The following HSPA4 variants were observed in gnomAD, a reference collection of about 807,000 sequenced individuals.
The protein encoded by HSPA4 is heat shock protein family A (Hsp70) member 4.
Under a neutral mutation model 106.2 loss-of-function variants are expected in HSPA4, and 25 were observed. The observed-to-expected ratio is 0.24, with a 90% CI of 0.17 to 0.33. The LOEUF is 0.33. Ranked by LOEUF, HSPA4 falls within the 10% of genes least tolerant of loss-of-function variation. The pLI is 1.00. For synonymous variants in HSPA4, 332 were observed against 333.6 expected (o/e 1.00, Z 0.05); for missense variants, 841 against 996.0 (o/e 0.84, Z 2.10).
intron 7 of HSPA4, among the ~76,000 whole-genome samples, chr5:133,081,371 CT>C (rs1200256748): frequency 6.6e-6 from 1 of 152,138 alleles, no homozygotes; most frequent in Admixed American, 6.5e-5. Flanking sequence ...AAAAATGTGG[CT>C]TAACTTTCTG....
chr5:133,073,213 C>CTTTT lies in HSPA4; in HGVS notation c.430-8_430-5dup. 8.4e-7 allele frequency: 1 copy of CTTTT among 1,189,660 alleles called. No individual in the cohort carries two copies. The highest frequency in any genetic ancestry group is 1.2e-6 in the Non-Finnish European group (1 of 859,228). 73.7% of individuals were successfully genotyped at this position (1,189,660 alleles called of 1,614,324 possible). ...TAGAATCTATAATACAGTAAGCATTCTTTTTTTTTTTTGTAGGTTCCTTGT... is the reference window on the plus strand; with the variant it reads ...TAGAATCTATAATACAGTAAGCATTCTTTTTTTTTTTTTTTTGTAGGTTCCTTGT... On this transcript the variant is annotated splice_polypyrimidine_tract_variant and intron_variant, in intron 4 of 18. Coordinates refer to ENST00000304858, the MANE Select transcript of HSPA4 (RefSeq NM_002154.4).
chr5:133,101,990 A>C lies in HSPA4; in HGVS notation c.2157+112A>C, dbSNP rs945422552. 1.4e-5 allele frequency: 10 copies of C among 726,898 alleles called. No individual in the cohort carries two copies. The East Asian group carries it at 2.9e-4, about 21-fold the overall frequency. The allele number at this position is 726,898 out of a possible 1,614,324, so 45.0% of individuals were successfully genotyped here. ...TGCCCAGGCTGGAGTACAGTGGTAC[A>C]ATCTCGGCTCAGTGCAACCTCCACC... On this transcript the variant is annotated intron_variant, in intron 17 of 18. Transcript: ENST00000304858.
chr5:133,071,912 C>G (rs943027531), intron 4 of HSPA4, among the ~76,000 whole-genome samples: 1 of 152,146 alleles, frequency 6.6e-6, no homozygotes, highest in African/African-American at 2.4e-5. Flanking sequence ...GCTGATACAC[C>G]AGATCCTGTA....
intron 7 of HSPA4, among the ~76,000 whole-genome samples, chr5:133,078,635 CA>C (rs57393822): frequency 3.4e-3 from 270 of 79,566 alleles, no homozygotes; most frequent in South Asian, 6.9e-3. Context: ...ACACTGTCTC[CA>C]AAAAAAAAAA....
At chr5:133,084,189 A>G (rs1256005649) in intron 7 of HSPA4, among the ~76,000 whole-genome samples, 1 of 152,146 alleles carries the variant, frequency 6.6e-6, no homozygotes, top group Admixed American at 6.5e-5. Flanking sequence ...AAGTGGAATC[A>G]TGTATTATGT....
intron 1 of HSPA4, among the ~76,000 whole-genome samples, chr5:133,059,735 TC>T (rs1423493036): frequency 9.2e-5 from 14 of 152,284 alleles, no homozygotes; most frequent in African/African-American, 3.4e-4. Context: ...AATCAGCTCT[TC>T]CTGTATACTA....
intron 1 of HSPA4, among the ~76,000 whole-genome samples, chr5:133,054,887 G>T (rs1048161905): frequency 6.6e-6 from 1 of 152,208 alleles, no homozygotes; most frequent in Non-Finnish European, 1.5e-5. Context: ...TTCCTGCCCT[G>T]TGATTGAACA....
chr5:133,091,381 T>C lies in HSPA4; in HGVS notation c.1560+7T>C. 1 of 1,606,612 alleles carries C rather than the reference T, an allele frequency of 6.2e-7. No homozygotes were observed. The highest frequency in any genetic ancestry group is 8.5e-7 in the Non-Finnish European group (1 of 1,174,910). On this transcript the variant is annotated splice_region_variant and intron_variant, in intron 12 of 18. Transcript: ENST00000304858. ...GAATGCAAAGGAGGAAGAGGTAATC[T>C]AGACATTGTATACCACTTGTGATGG...
chr5:133,072,017 A>G (rs1220512459), intron 4 of HSPA4, among the ~76,000 whole-genome samples: 1 of 152,134 alleles, frequency 6.6e-6, no homozygotes, highest in Non-Finnish European at 1.5e-5. Context: ...TTGATCCTGC[A>G]TAACACTCTG....
rs1765643550 is a variant in HSPA4, at chr5:133,091,215, C to CA, written c.1402dup (p.Thr468AsnfsTer5). 1 of 1,613,826 alleles carries CA rather than the reference C, an allele frequency of 6.2e-7. No individual in the cohort carries two copies. Among genetic ancestry groups the CA allele is most frequent in the Non-Finnish European group, 8.5e-7 (1 of 1,179,904 alleles). ...TAGCTCAGTTTTCAGTTCAGAAAGT[C>CA]ACTCCTCAGTCTGATGGCTCCAGTT... On this transcript the variant is annotated frameshift_variant, in exon 12 of 19. Coordinates refer to ENST00000304858, the MANE Select transcript of HSPA4 (RefSeq NM_002154.4). LOFTEE classifies it high-confidence loss of function.
chr5:133,102,930 T>TTTTTTTTTTTTTA (rs1765806659), intron 17 of HSPA4, among the ~76,000 whole-genome samples: 1 of 149,764 alleles, frequency 6.7e-6, no homozygotes. Flanking sequence ...TTTTTTTTTT[T>TTTTTTTTTTTTTA]GAGATGGCAT....
Position 133,060,264 on chromosome 5 carries a change from G to A in HSPA4, c.108-4716G>A, listed in dbSNP as rs186370073. On this transcript the variant is annotated intron_variant, in intron 1 of 18. Transcript: ENST00000304858. ...AGCATTGACCTATGTTCTAGTGCTA[G>A]CGCTAATATTCAAGTTAATCTTTTT... Among the ~76,000 whole-genome samples, 32 of 152,220 alleles carry A rather than the reference G, an allele frequency of 2.1e-4. No homozygotes were observed. In the East Asian group the frequency reaches 5.4e-3, roughly 26 times the overall value.
At position 133,052,175 on chromosome 5, in the gene HSPA4, T is replaced by C; in HGVS notation, c.-76T>C. 1 of 1,042,862 alleles carries C rather than the reference T, an allele frequency of 9.6e-7. No homozygotes were observed. Among genetic ancestry groups the C allele is most frequent in the Non-Finnish European group, 1.4e-6 (1 of 705,728 alleles). The allele number at this position is 1,042,862 out of a possible 1,614,324, so 64.6% of individuals were successfully genotyped here. On this transcript the variant is annotated 5_prime_UTR_variant, in exon 1 of 19. Transcript: ENST00000304858. ...TCGGCCCAAGAGGCCTGCTTTCCAC[T>C]CGCTAGCCCCGCCGGGGGTCCGTGT...
intron 1 of HSPA4, among the ~76,000 whole-genome samples, chr5:133,053,906 CGCCTCG>C (rs1765123660): frequency 6.6e-6 from 1 of 151,710 alleles, no homozygotes; most frequent in African/African-American, 2.4e-5. Context: ...GTGATCCTCC[CGCCTCG>C]GCCTCCCAAA....
intron 17 of HSPA4, among the ~76,000 whole-genome samples, chr5:133,103,622 G>A (rs984101654): frequency 1.3e-5 from 2 of 152,078 alleles, no homozygotes; most frequent in African/African-American, 4.8e-5. Flanking sequence ...TGTTTATCTT[G>A]TTGAAGCCTT....
rs1581483837 is a variant in HSPA4, at chr5:133,103,000, A to G, written c.2158-865A>G. 2.2e-5 allele frequency among the ~76,000 whole-genome samples: 3 copies of G among 134,852 alleles called. No individual in the cohort carries two copies. In the Admixed American group the frequency reaches 2.3e-4, roughly 10 times the overall value. 88.5% of individuals were successfully genotyped at this position (134,852 alleles called of 152,430 possible). A position where few individuals can be genotyped will look rare whatever the true frequency, so the allele number is the denominator to read the frequency against. On this transcript the variant is annotated intron_variant, in intron 17 of 18. Transcript: ENST00000304858. Reference sequence around the variant, plus strand: ...TAGCTCAAATGATCCACCCACCTCAACCTCCCAAAGTGCTAGGATTATAGG... The same window carrying G: ...TAGCTCAAATGATCCACCCACCTCAGCCTCCCAAAGTGCTAGGATTATAGG...
At position 133,096,249 on chromosome 5, in the gene HSPA4, A is replaced by G; in HGVS notation, c.1802A>G (p.Glu601Gly). The G allele has an allele frequency of 6.2e-7, 1 of 1,612,280 alleles. No individual in the cohort carries two copies. Among genetic ancestry groups the G allele is most frequent in the South Asian group, 1.1e-5 (1 of 90,704 alleles). ...REMLNLYIEN[E>G]GKMIMQDKLE... ...ATGCTCAACTTGTACATTGAAAATG[A>G]GGTTGTTATTTAAAGTCTATTGGAA... Residue 601 changes from glutamate (E) to glycine (G), a missense_variant and splice_region_variant, in exon 14 of 19, where the codon GAG becomes GGG. Glu to Gly is a moderately conservative substitution (Grantham distance 98, BLOSUM62 -2). Coordinates refer to ENST00000304858, the MANE Select transcript of HSPA4 (RefSeq NM_002154.4).
rs776048306 is a variant in HSPA4 at position 133,104,431 on chromosome 5, G to T, written c.2518G>T (p.Asp840Tyr). ...CAAGAAGCTTCCTGAAATGGACATT[G>T]ATTGATTCCAACACTTGTTTCTATT... ...SDKKLPEMDI[D>Y] Residue 840 changes from aspartate (D) to tyrosine (Y), a missense_variant, in exon 19 of 19, where the codon GAT (aspartate) becomes TAT (tyrosine). Physicochemically the swap from Asp to Tyr is radical, Grantham distance 160 (BLOSUM62 -3). This residue lies in a region of HSPA4 where 328 missense variants were observed against 372.2 expected (regional missense o/e 0.88). Coordinates refer to ENST00000304858, the MANE Select transcript of HSPA4 (RefSeq NM_002154.4). The T allele has an allele frequency of 1.3e-5, 21 of 1,613,354 alleles. No individual in the cohort carries two copies. The highest frequency in any genetic ancestry group is 1.8e-5 in the Non-Finnish European group (21 of 1,179,332).
intron 13 of HSPA4, among the ~76,000 whole-genome samples, chr5:133,094,870 G>A (rs1765690918): frequency 6.6e-6 from 1 of 152,196 alleles, no homozygotes. Flanking sequence ...GAATTCTAAA[G>A]TTGAAAGTTG....
Sources: allele counts gnomAD v4.1 joint callset (sites outside exome capture counted in the v4.1 genomes callset), GRCh38; gene constraint gnomAD v4.1.1; regional missense constraint gnomAD v4.1.1; transcripts MANE v1.5; gene names NCBI Gene and HGNC (gene_info 2026-07-23, HGNC 2026-07-21).